ADAM17: variants seen among roughly 807,000 people sequenced by gnomAD.
ADAM17 encodes the protein disintegrin and metalloproteinase domain-containing protein 17.
Under a neutral mutation model 96.7 loss-of-function variants are expected in ADAM17, and 39 were observed. That is an observed-to-expected ratio of 0.40 (90% CI 0.31 to 0.53). The LOEUF is 0.53. Ranked by LOEUF, ADAM17 falls within the 20% of genes least tolerant of loss-of-function variation. The pLI is 0.44. For synonymous variants in ADAM17, 344 were observed against 359.2 expected, an observed-to-expected ratio of 0.96 and a Z score of 0.48; for missense variants, 777 against 1,013.2, an observed-to-expected ratio of 0.77 and a Z score of 3.17.
At chr2:9,534,283 C>T (rs6432015) in intron 4 of ADAM17, among the ~76,000 whole-genome samples, 63,072 of 151,902 alleles carry the variant, frequency 0.42, 14,247 homozygotes, top group Middle Eastern at 0.61. Flanking sequence ...GCGGGAGAAC[C>T]GCCTGAACCC....
chr2:9,509,002 GA>G (rs539417048), intron 11 of ADAM17, among the ~76,000 whole-genome samples: 20 of 149,198 alleles, frequency 1.3e-4, no homozygotes, highest in Non-Finnish European at 2.5e-4. Context: ...AAAAAAAAAT[GA>G]GATGCAACAA....
chr2:9,527,306 A>ACAAAAC (rs1664568364), intron 5 of ADAM17, among the ~76,000 whole-genome samples: 1 of 151,968 alleles, frequency 6.6e-6, no homozygotes, highest in African/African-American at 2.4e-5. Context: ...ACAAAACAAA[A>ACAAAAC]CAAAAAACCT....
chr2:9,546,605 T>G (rs1665411231), intron 1 of ADAM17, among the ~76,000 whole-genome samples: 1 of 152,102 alleles, frequency 6.6e-6, no homozygotes, highest in African/African-American at 2.4e-5. Flanking sequence ...CCATATCCAA[T>G]TCTCTCAATA....
At chr2:9,499,950 ATGC>A (rs1308910739) in intron 13 of ADAM17, among the ~76,000 whole-genome samples, 1 of 152,186 alleles carries the variant, frequency 6.6e-6, no homozygotes, top group Non-Finnish European at 1.5e-5. Flanking sequence ...CCCTCATACA[ATGC>A]TGCTGAGACT....
intron 4 of ADAM17, among the ~76,000 whole-genome samples, chr2:9,529,293 A>G (rs909932104): frequency 6.6e-6 from 1 of 152,138 alleles, no homozygotes; most frequent in Non-Finnish European, 1.5e-5. Flanking sequence ...CTAGTAAAAA[A>G]TACAAAAATT....
chr2:9,490,409 G>T lies in ADAM17; in HGVS notation c.2243C>A (p.Ala748Glu). The T allele has an allele frequency of 1.2e-6, 2 of 1,614,164 alleles. No homozygotes were observed. The highest frequency in any genetic ancestry group is 1.7e-6 in the Non-Finnish European group (2 of 1,180,032). ...RLQPAPVIPSAPAAPKLDHQR... is the reference protein window; with the variant it reads ...RLQPAPVIPSEPAAPKLDHQR... ...GTGGTCCAGTTTTGGAGCTGCTGGC[G>T]CCGAAGGGATCACAGGGGCAGGCTG... Residue 748 changes from alanine to glutamate, a missense_variant, in exon 19 of 19, where the codon GCG becomes GAG. Transcript: ENST00000310823.
intron 10 of ADAM17, among the ~76,000 whole-genome samples, chr2:9,514,518 A>AAAATAT (rs1663933130): frequency 1.1e-5 from 1 of 89,884 alleles, no homozygotes; most frequent in Admixed American, 1.6e-4. Flanking sequence ...TTAAAATATA[A>AAAATAT]ATATATATAT....
At position 9,526,082 on chromosome 2, in the gene ADAM17, A is replaced by T. The variant is rs1292636717; in HGVS notation, c.753+29T>A. 7 of 1,562,212 alleles carry T rather than the reference A, an allele frequency of 4.5e-6. No individual in the cohort carries two copies. The Admixed American group carries it at 7.7e-5, about 17-fold the overall frequency. On this transcript the variant is annotated intron_variant, in intron 6 of 18. Transcript: ENST00000310823. ...ATGTACCCACCCAAATTTTTTTTTC[A>T]ATTACTCGATGCAATATCAAATACT...
At chr2:9,506,523 C>T (rs908518393) in intron 11 of ADAM17, among the ~76,000 whole-genome samples, 11 of 151,904 alleles carry the variant, frequency 7.2e-5, no homozygotes, top group Non-Finnish European at 1.2e-4. Flanking sequence ...CATGCCACCA[C>T]GCCCAGCTAA....
At chr2:9,538,102 T>C (rs924699615) in intron 2 of ADAM17, among the ~76,000 whole-genome samples, 2 of 152,190 alleles carry the variant, frequency 1.3e-5, no homozygotes, top group South Asian at 4.2e-4. Context: ...ATTGGCTTAC[T>C]ATTCTTTTTG....
At position 9,535,799 on chromosome 2, in the gene ADAM17, T is replaced by C. The variant is rs1375483456; in HGVS notation, c.450+35A>G. On this transcript the variant is annotated intron_variant, in intron 4 of 18. Coordinates refer to ENST00000310823, the MANE Select transcript of ADAM17 (RefSeq NM_003183.6). ...AGCAGCTTTTTGAAAATCAGAGATA[T>C]AAGCTACTGAAAAAAAATTCACATA... 8 of 1,364,222 alleles carry C rather than the reference T, an allele frequency of 5.9e-6. No homozygotes were observed. In the East Asian group the frequency reaches 7.1e-5, roughly 12 times the overall value. The allele number at this position is 1,364,222 out of a possible 1,614,324, so 84.5% of individuals were successfully genotyped here. A position where few individuals can be genotyped will look rare whatever the true frequency, so the allele number is the denominator to read the frequency against.
chr2:9,511,965 T>G (rs1300527461), intron 10 of ADAM17, among the ~76,000 whole-genome samples: 2 of 151,246 alleles, frequency 1.3e-5, no homozygotes, highest in East Asian at 3.8e-4. Context: ...AGTGAGAGTC[T>G]GTCTTAAAAT....
At chr2:9,495,038 C>G (rs1250030387) in intron 14 of ADAM17, among the ~76,000 whole-genome samples, 1 of 152,224 alleles carries the variant, frequency 6.6e-6, no homozygotes, top group Non-Finnish European at 1.5e-5. Context: ...TCTAACTATT[C>G]TCTCCCCTTC....
chr2:9,507,481 G>A (rs1663479864), intron 11 of ADAM17, among the ~76,000 whole-genome samples: 1 of 152,056 alleles, frequency 6.6e-6, no homozygotes, highest in South Asian at 2.1e-4. Context: ...CAGCCTGGGC[G>A]ACAGAGTGAG....
At chr2:9,539,103 TTTC>T (rs1023673980) in intron 2 of ADAM17, among the ~76,000 whole-genome samples, 2 of 150,956 alleles carry the variant, frequency 1.3e-5, no homozygotes, top group Non-Finnish European at 2.9e-5. Flanking sequence ...AATAAGATAA[TTTC>T]TTGATTTTTT....
Position 9,510,146 on chromosome 2 carries a change from A to G in ADAM17, c.1192-15T>C. The G allele has an allele frequency of 6.2e-7, 1 of 1,613,872 alleles. No individual in the cohort carries two copies. The highest frequency in any genetic ancestry group is 8.5e-7 in the Non-Finnish European group (1 of 1,179,894). ...AGGTCAGCTTCCTTAAGGATCATGC[A>G]AAGAAAACATTATTTCTCAATATCC... On this transcript the variant is annotated splice_polypyrimidine_tract_variant and intron_variant, in intron 10 of 18. Coordinates refer to ENST00000310823, the MANE Select transcript of ADAM17 (RefSeq NM_003183.6).
Position 9,552,475 on chromosome 2 carries a change from T to A in ADAM17, c.97+3034A>T, listed in dbSNP as rs373781186. 6.2e-4 allele frequency among the ~76,000 whole-genome samples: 95 copies of A among 152,250 alleles called. 1 individual carries two copies. Among genetic ancestry groups the A allele is most frequent in the African/African-American group, 2.3e-3 (94 of 41,558 alleles). ...ATGCAGCCAGTAAGCAAAATTAACATCAAAAGAGAAAGCCAGATGTCAAAA... is the reference window on the plus strand; with the variant it reads ...ATGCAGCCAGTAAGCAAAATTAACAACAAAAGAGAAAGCCAGATGTCAAAA... On this transcript the variant is annotated intron_variant, in intron 1 of 18. Coordinates refer to ENST00000310823, the MANE Select transcript of ADAM17 (RefSeq NM_003183.6).
At chr2:9,554,950 T>C (rs540819010) in intron 1 of ADAM17, among the ~76,000 whole-genome samples, 1 of 152,232 alleles carries the variant, frequency 6.6e-6, no homozygotes, top group South Asian at 2.1e-4. Flanking sequence ...ACAATTGAAA[T>C]AACCAAGAAC....
chr2:9,509,768 T>C (rs1558506678), intron 11 of ADAM17, among the ~76,000 whole-genome samples: 1 of 152,160 alleles, frequency 6.6e-6, no homozygotes, highest in Non-Finnish European at 1.5e-5. Flanking sequence ...ACCATTAAGC[T>C]TGACAACAAA....
Sources: gnomAD v4.1 joint callset for allele counts (sites outside exome capture counted in the v4.1 genomes callset) on GRCh38, gnomAD v4.1.1 for gene constraint, MANE v1.5 for transcripts, NCBI Gene and HGNC (gene_info 2026-07-23, HGNC 2026-07-21) for gene names.